Variants in AGAP2 observed in about 807,000 individuals in gnomAD.
AGAP2 encodes arf-GAP with GTPase, ANK repeat and PH domain-containing protein 2.
In AGAP2, 32 loss-of-function variants were observed where a neutral mutation model predicts 110.9. The ratio of observed to expected loss-of-function variants is 0.29; its 90% CI spans 0.22 to 0.39. AGAP2 has a LOEUF of 0.39. Among genes scored for constraint, AGAP2 ranks in the 10% least tolerant of loss-of-function variants. AGAP2 has a pLI of 1.00. For synonymous variants in AGAP2, 702 were observed against 713.0 expected (o/e 0.98, Z 0.25); for missense variants, 1,285 against 1,638.5 (o/e 0.78, Z 3.72).
At chr12:57,723,764 C>T (rs1044519460), downstream of AGAP2, 2 of 152,234 alleles carry the variant, frequency 1.3e-5, no homozygotes, top group Non-Finnish European at 2.9e-5. Context: ...AAGTGGATTA[C>T]TTGGTGTTGG....
At chr12:57,739,163 A>T (rs1955046376), upstream of AGAP2, among the ~76,000 whole-genome samples, 3 of 151,932 alleles carry the variant, frequency 2.0e-5, no homozygotes, top group South Asian at 6.2e-4. Context: ...AGGAAGCGCG[A>T]TTGTGAGGTA....
At chr12:57,739,201 G>T (rs907437579), upstream of AGAP2, among the ~76,000 whole-genome samples, 2 of 151,524 alleles carry the variant, frequency 1.3e-5, no homozygotes, top group Admixed American at 6.6e-5. Flanking sequence ...GGTGAAAATC[G>T]ATCTATTGGG....
At chr12:57,733,948 C>T (rs1460002457) in intron 5 of AGAP2, 78 bp downstream of exon 5, 3 of 1,483,376 alleles carry the variant, frequency 2.0e-6, no homozygotes, top group Non-Finnish European at 2.7e-6. Flanking sequence ...TTACCAAGTT[C>T]TCACCCATGT....
upstream of AGAP2, among the ~76,000 whole-genome samples, chr12:57,741,358 T>C (rs1209726276): frequency 2.0e-5 from 3 of 152,150 alleles, no homozygotes; most frequent in Non-Finnish European, 2.9e-5. Flanking sequence ...TCTGGGGACC[T>C]ATCTGCACTT....
chr12:57,736,970 C>T, intron 1 of AGAP2, 109 bp downstream of exon 1: 1 of 1,437,570 alleles, frequency 7.0e-7, no homozygotes, highest in East Asian at 2.5e-5. Context: ...GGTTCATCCG[C>T]CCACCCCAGA....
In AGAP2 at chr12:57,734,181, G is replaced by C; in HGVS notation, c.1402-8C>G. On this transcript the variant is annotated splice_region_variant and splice_polypyrimidine_tract_variant and intron_variant, in intron 4 of 18. Transcript: ENST00000547588. ...ATCTGCCCAGCCTGAGAACTTGCGG[G>C]GAGTGAGGGAGCAAATGGAAAGTCA... is the stretch of plus-strand genomic sequence containing the variant. 2 of 1,605,334 alleles carry C rather than the reference G, an allele frequency of 1.2e-6. No homozygotes were observed. Among genetic ancestry groups the C allele is most frequent in the Non-Finnish European group, 1.7e-6 (2 of 1,174,204 alleles).
chr12:57,729,496 C>T (rs1954843208), intron 13 of AGAP2, 143 bp downstream of exon 13: 1 of 1,225,908 alleles, frequency 8.2e-7, no homozygotes, highest in Admixed American at 2.5e-5. Context: ...TCCATCCACT[C>T]TTTCACTAAG....
chr12:57,730,666 C>T (rs1954867983), intron 11 of AGAP2, 52 bp from the exon 12 acceptor site: 3 of 1,606,096 alleles, frequency 1.9e-6, no homozygotes, highest in Non-Finnish European at 2.6e-6. Context: ...GGCCCCATTC[C>T]TTATGTGGTC....
In AGAP2 at chr12:57,734,617, T is replaced by C. The variant is rs183384128; in HGVS notation, c.1290A>G (p.Ser430=). 685 of 1,614,192 alleles carry C rather than the reference T, an allele frequency of 4.2e-4. 1 individual carries two copies. Among genetic ancestry groups the C allele is most frequent in the Non-Finnish European group, 5.6e-4 (658 of 1,180,036 alleles). The part of the protein sequence containing the change: ...SSLIHRFLTG[S]YQVLEKTESE... Reference sequence around the variant, plus strand: ...TCTCTGTCTTCTCCAGCACCTGGTATGAGCCAGTCAGGAATCGGTGGATGA... The same window carrying C: ...TCTCTGTCTTCTCCAGCACCTGGTACGAGCCAGTCAGGAATCGGTGGATGA... The change falls in exon 3 of 19, where the codon TCA becomes TCG. Residue 430 remains serine, a synonymous_variant. Coordinates refer to ENST00000547588, the MANE Select transcript of AGAP2 (RefSeq NM_001122772.3).
rs996446379 is a variant in AGAP2 at position 57,737,618 on chromosome 12, A to T, written c.629T>A (p.Leu210Gln). ...AGGGKGAGSRLSWPESEGKPR... is the reference protein window; with the variant it reads ...AGGGKGAGSRQSWPESEGKPR... ...CTTGCCCTCGCTTTCGGGCCATGACAGGCGGCTACCCGCGCCCTTGCCCCC... is the reference window on the plus strand; with the variant it reads ...CTTGCCCTCGCTTTCGGGCCATGACTGGCGGCTACCCGCGCCCTTGCCCCC... The change falls in exon 1 of 19, where the codon CTG becomes CAG. Residue 210 changes from leucine to glutamine, a missense_variant. Physicochemically the swap from Leu to Gln is moderately radical, Grantham distance 113. Transcript: ENST00000547588. The surrounding 1 kb of genome is among the most constrained non-coding windows in gnomAD (Gnocchi z 5.9). 11 of 1,547,476 alleles carry T rather than the reference A, an allele frequency of 7.1e-6. No homozygotes were observed. The Admixed American group carries it at 7.8e-5, about 11-fold the overall frequency.
At chr12:57,736,986 G>A in intron 1 of AGAP2, 93 bp downstream of exon 1, 2 of 1,442,020 alleles carry the variant, frequency 1.4e-6, no homozygotes, top group South Asian at 3.0e-5. Flanking sequence ...CCAGAGAAAA[G>A]CTTCCCTAGT....
Position 57,732,938 on chromosome 12 carries a change from G to T in AGAP2, c.1591C>A (p.Arg531Ser). The part of the protein sequence containing the change: ...ASSPRVVGDA[R>S]ARALCADMKR... ...ATGTCCGCGCACAGAGCTCTGGCAC[G>T]AGCATCTCCCACCACCCGAGGGGAG... The change falls in exon 6 of 19, where the codon CGT becomes AGT. Residue 531 changes from arginine (R) to serine (S), a missense_variant. Physicochemically the swap from Arg to Ser is moderately radical, Grantham distance 110 (BLOSUM62 -1). Transcript: ENST00000547588. 6.2e-7 allele frequency: 1 copy of T among 1,614,058 alleles called. No individual in the cohort carries two copies. The highest frequency in any genetic ancestry group is 8.5e-7 in the Non-Finnish European group (1 of 1,180,032).
Position 57,730,939 on chromosome 12 carries a change from A to G in AGAP2, c.2160T>C (p.Ser720=), listed in dbSNP as rs1398401274. 4 of 1,557,062 alleles carry G rather than the reference A, an allele frequency of 2.6e-6. No homozygotes were observed. The highest frequency in any genetic ancestry group is 1.2e-5 in the South Asian group (1 of 84,542). Residue 720 remains serine (S), a synonymous_variant, in exon 11 of 19, where the codon AGT becomes AGC. Transcript: ENST00000547588. ...GCAAGTCCATCTCCTTGCCGTGGGT[A>G]CTGTGGATGTAATCCTGGAGGGGTA... ...YHPSINDYIH[S]THGKEMDLLR... is the part of the protein sequence containing the mutation.
upstream of AGAP2, chr12:57,741,773 C>T (rs1301459956): frequency 4.0e-6 from 4 of 1,005,532 alleles, no homozygotes; most frequent in African/African-American, 6.5e-5. Context: ...TTCCATCCTC[C>T]CTAAATGTAT....
At position 57,738,435 on chromosome 12, in the gene AGAP2, C is replaced by A; in HGVS notation, c.-189G>T. 1 of 481,622 alleles carries A rather than the reference C, an allele frequency of 2.1e-6. No homozygotes were observed. Among genetic ancestry groups the A allele is most frequent in the Non-Finnish European group, 2.7e-6 (1 of 369,182 alleles). The allele number at this position is 481,622 out of a possible 1,614,324, so 29.8% of individuals were successfully genotyped here. ...GCCCCCCTCCCATCACATGGGGCGCCCCCTCCCCATGCTCCCCGCCCTGCG... is the reference window on the plus strand; with the variant it reads ...GCCCCCCTCCCATCACATGGGGCGCACCCTCCCCATGCTCCCCGCCCTGCG... On this transcript the variant is annotated 5_prime_UTR_variant, in exon 1 of 19. Coordinates refer to ENST00000547588, the MANE Select transcript of AGAP2 (RefSeq NM_001122772.3). This position sits in a 1 kb window ranked among gnomAD's most constrained non-coding sequence, Gnocchi z 6.7.
upstream of AGAP2, chr12:57,739,742 C>T (rs1238040710): frequency 6.6e-6 from 1 of 152,200 alleles, no homozygotes; most frequent in Non-Finnish European, 1.5e-5. Flanking sequence ...TGCCCTGACA[C>T]CTGGCTACCC....
intron 5 of AGAP2, 143 bp downstream of exon 5, chr12:57,733,883 G>T: frequency 4.4e-6 from 4 of 917,520 alleles, no homozygotes; most frequent in Non-Finnish European, 6.1e-6. Context: ...TCCCTTATTT[G>T]GAGACCAGGC....
rs375484343 is a variant in AGAP2, at chr12:57,737,489, G to C, written c.758C>G (p.Ser253Cys). 1.9e-6 allele frequency: 3 copies of C among 1,605,144 alleles called. No individual in the cohort carries two copies. Among genetic ancestry groups the C allele is most frequent in the South Asian group, 2.2e-5 (2 of 90,178 alleles). The change falls in exon 1 of 19, where the codon TCT becomes TGT. Residue 253 changes from serine (S) to cysteine (C), a missense_variant. Physicochemically the swap from Ser to Cys is moderately radical, Grantham distance 112 (BLOSUM62 -1). Transcript: ENST00000547588. This position sits in a 1 kb window ranked among gnomAD's most constrained non-coding sequence, Gnocchi z 5.9. ...TCCAGCCCCAGCCCCGACCCCACCAGAGGTCGAAGCTGTAGAGCCCCCTCC... is the reference window on the plus strand; with the variant it reads ...TCCAGCCCCAGCCCCGACCCCACCACAGGTCGAAGCTGTAGAGCCCCCTCC... ...AGGGGSTAST[S>C]GGVGAGAGAR...
chr12:57,730,105 T>C (rs1186652558), intron 12 of AGAP2, among the ~76,000 whole-genome samples: 2 of 144,514 alleles, frequency 1.4e-5, no homozygotes, highest in African/African-American at 5.0e-5. Flanking sequence ...ACAATGTTAT[T>C]TGCATACTAT....
Sources: allele counts gnomAD v4.1 joint callset (sites outside exome capture counted in the v4.1 genomes callset), GRCh38; gene constraint gnomAD v4.1.1; non-coding constraint Gnocchi (gnomAD v3.1); transcripts MANE v1.5; gene names NCBI Gene and HGNC (gene_info 2026-07-23, HGNC 2026-07-21).